ZC3H12B: variants seen among roughly 807,000 people sequenced by gnomAD.
The protein encoded by ZC3H12B is probable ribonuclease ZC3H12B.
In ZC3H12B, 7 loss-of-function variants were observed where a neutral mutation model predicts 43.9. That is an observed-to-expected ratio of 0.16 (90% CI 0.09 to 0.30). The LOEUF (loss-of-function observed/expected upper bound fraction) is 0.30. ZC3H12B is among the 10% of genes least tolerant of loss of function. The pLI, the probability that ZC3H12B is intolerant of heterozygous loss-of-function variation, is 1.00. For missense variants in ZC3H12B, 475 were observed against 670.2 expected, an observed-to-expected ratio of 0.71 and a Z score of 3.22; for synonymous variants, 222 against 241.7, an observed-to-expected ratio of 0.92 and a Z score of 0.76.
the ZC3H12B span, among the ~76,000 whole-genome samples, chrX:65,123,345 T>A: frequency 1.8e-5 from 2 of 111,649 alleles, no homozygotes; most frequent in Non-Finnish European, 3.8e-5. Context: ...TTATTGAGGA[T>A]TTTTACATCA....
chrX:65,233,700 G>A, the ZC3H12B span, among the ~76,000 whole-genome samples: 2 of 110,018 alleles, frequency 1.8e-5, no homozygotes, highest in Admixed American at 9.7e-5. Flanking sequence ...AGAAAAAGGA[G>A]AGCAAAGCAA....
At chrX:65,162,567 G>A in the ZC3H12B span, among the ~76,000 whole-genome samples, 1 of 111,698 alleles carries the variant, frequency 9.0e-6, no homozygotes, top group African/African-American at 3.3e-5. Context: ...ATCGGCTCCT[G>A]AGGCTTCTGC....
the ZC3H12B span, among the ~76,000 whole-genome samples, chrX:65,070,218 G>C: frequency 3.6e-5 from 4 of 110,957 alleles, no homozygotes; most frequent in African/African-American, 9.8e-5. Flanking sequence ...AGAGTGTCTA[G>C]TTTATGTGCA....
chrX:65,241,262 T>A, the ZC3H12B span, among the ~76,000 whole-genome samples: 481 of 112,256 alleles, frequency 4.3e-3, 3 homozygotes, highest in African/African-American at 0.015. Flanking sequence ...TTGCTGAAAT[T>A]CCCACAGGGA....
the ZC3H12B span, among the ~76,000 whole-genome samples, chrX:65,313,748 T>C: frequency 8.9e-6 from 1 of 112,108 alleles, no homozygotes; most frequent in Admixed American, 9.5e-5. Flanking sequence ...ATATTGAAAA[T>C]TTTAAGAATA....
At chrX:65,321,308 C>G in the ZC3H12B span, among the ~76,000 whole-genome samples, 1 of 112,216 alleles carries the variant, frequency 8.9e-6, no homozygotes, top group African/African-American at 3.2e-5. Flanking sequence ...AAAATCTCAG[C>G]ATCACTGATT....
chrX:65,302,056 A>G, the ZC3H12B span, among the ~76,000 whole-genome samples: 2 of 111,466 alleles, frequency 1.8e-5, no homozygotes, highest in African/African-American at 6.5e-5. Context: ...CAAGAAACCT[A>G]TACCTAACAA....
the ZC3H12B span, among the ~76,000 whole-genome samples, chrX:65,188,922 A>T: frequency 1.0e-5 from 1 of 100,085 alleles, no homozygotes; most frequent in Non-Finnish European, 2.0e-5. Context: ...CATTAGGTAT[A>T]TCTCCCAATG....
At chrX:65,171,465 T>C in the ZC3H12B span, among the ~76,000 whole-genome samples, 1 of 111,275 alleles carries the variant, frequency 9.0e-6, no homozygotes, top group African/African-American at 3.3e-5. Context: ...GGGAGGTGTC[T>C]ATAAGTTAGG....
At chrX:65,476,848 G>A (rs980519476) in intron 3 of ZC3H12B, among the ~76,000 whole-genome samples, 1 of 75,861 alleles carries the variant, frequency 1.3e-5, no homozygotes, top group African/African-American at 5.1e-5. Context: ...TTTTTTTTTT[G>A]TCTCACTCTG....
chrX:65,054,694 C>T, the ZC3H12B span, among the ~76,000 whole-genome samples: 1 of 111,728 alleles, frequency 9.0e-6, no homozygotes, highest in Non-Finnish European at 1.9e-5. Context: ...GCCATTTTTA[C>T]GATATTGATT....
the ZC3H12B span, among the ~76,000 whole-genome samples, chrX:65,094,473 G>A: frequency 4.5e-5 from 5 of 111,062 alleles, no homozygotes; most frequent in African/African-American, 1.6e-4. Flanking sequence ...GTGGTCCAAG[G>A]ACCCCCAGGA....
the ZC3H12B span, among the ~76,000 whole-genome samples, chrX:65,258,882 G>A: frequency 9.0e-6 from 1 of 110,841 alleles, no homozygotes; most frequent in African/African-American, 3.3e-5. Context: ...AACTCTACAA[G>A]GAAAATTACA....
chrX:65,272,465 A>G, the ZC3H12B span: 3 of 111,726 alleles, frequency 2.7e-5, no homozygotes, highest in Admixed American at 1.9e-4. Context: ...CTAATTCACT[A>G]CTAACATGCT....
the ZC3H12B span, among the ~76,000 whole-genome samples, chrX:65,245,049 CAA>C: frequency 9.0e-6 from 1 of 111,214 alleles, no homozygotes; most frequent in African/African-American, 3.3e-5. Context: ...TCGGAAATGA[CAA>C]GAGGGATGTT....
intron 3 of ZC3H12B, among the ~76,000 whole-genome samples, chrX:65,425,122 T>G (rs1275336674): frequency 3.6e-5 from 4 of 111,982 alleles, no homozygotes; most frequent in Non-Finnish European, 7.5e-5. Flanking sequence ...TCCATTTGTT[T>G]CTGTCATCTC....
the ZC3H12B span, among the ~76,000 whole-genome samples, chrX:65,139,327 A>C: frequency 1.8e-5 from 2 of 112,140 alleles, no homozygotes; most frequent in Non-Finnish European, 3.8e-5. Flanking sequence ...TTTTGCCCAC[A>C]CCATTTATGG....
At chrX:65,160,735 A>T in the ZC3H12B span, among the ~76,000 whole-genome samples, 1 of 111,125 alleles carries the variant, frequency 9.0e-6, no homozygotes, top group African/African-American at 3.3e-5. Context: ...TAATTTTTTG[A>T]AGGGTTTTTT....
At chrX:65,124,390 C>T in the ZC3H12B span, among the ~76,000 whole-genome samples, 2 of 110,832 alleles carry the variant, frequency 1.8e-5, no homozygotes, top group South Asian at 7.5e-4. Flanking sequence ...ACTCAGTTTG[C>T]TGGTATTTTT....
Sources: gnomAD v4.1 joint callset for allele counts (sites outside exome capture counted in the v4.1 genomes callset) on GRCh38, gnomAD v4.1.1 for gene constraint, MANE v1.5 for transcripts, NCBI Gene and HGNC (gene_info 2026-07-23, HGNC 2026-07-21) for gene names.